The following DOCK4 variants were observed in gnomAD, a reference collection of about 807,000 sequenced individuals.
The protein encoded by DOCK4 is dedicator of cytokinesis protein 4.
In DOCK4, 97 loss-of-function variants were observed where a neutral mutation model predicts 268.1. That is an observed-to-expected ratio of 0.36 (90% CI 0.31 to 0.43). The LOEUF (loss-of-function observed/expected upper bound fraction) is 0.43, where lower values mean the gene tolerates loss of function less well. DOCK4 is among the 20% of genes least tolerant of loss of function. DOCK4 has a pLI of 1.00. For synonymous variants in DOCK4, 954 were observed against 887.2 expected (o/e 1.08, Z -1.34); for missense variants, 2,145 against 2,455.7 (o/e 0.87, Z 2.67).
In DOCK4 at chr7:112,122,586, A is replaced by C. The variant is rs146402361; in HGVS notation, c.37+83516T>G. Among the ~76,000 whole-genome samples, 131 of 152,276 alleles carry C rather than the reference A, an allele frequency of 8.6e-4. 1 individual carries two copies. Among genetic ancestry groups the C allele is most frequent in the African/African-American group, 3.1e-3 (127 of 41,566 alleles). On this transcript the variant is annotated intron_variant, in intron 1 of 52. Transcript: ENST00000428084. Reference sequence around the variant, plus strand: ...ACGCCCAGCCAAGACTGCCTCTTATAAACAGTATTTAGTTGGATTTCTTAA... The same window carrying C: ...ACGCCCAGCCAAGACTGCCTCTTATCAACAGTATTTAGTTGGATTTCTTAA...
chr7:111,884,153 A>G (rs1384393194), intron 16 of DOCK4, among the ~76,000 whole-genome samples: 1 of 152,182 alleles, frequency 6.6e-6, no homozygotes, highest in East Asian at 1.9e-4. Context: ...AATATAGCAT[A>G]TCTTTTATTG....
chr7:111,979,002 T>A (rs1798408332), intron 7 of DOCK4, among the ~76,000 whole-genome samples: 1 of 152,108 alleles, frequency 6.6e-6, no homozygotes, highest in South Asian at 2.1e-4. Flanking sequence ...ATTAAAAAAA[T>A]AGTTCAGGGA....
intron 11 of DOCK4, 85 bp from the exon 12 acceptor site, chr7:111,935,713 A>G: frequency 1.7e-6 from 2 of 1,165,792 alleles, no homozygotes; most frequent in Non-Finnish European, 2.5e-6. Flanking sequence ...CCTTTTCGTT[A>G]TAACCACTAT....
chr7:111,798,245 C>T (rs1054427717), intron 30 of DOCK4, among the ~76,000 whole-genome samples: 1 of 152,222 alleles, frequency 6.6e-6, no homozygotes, highest in South Asian at 2.1e-4. Context: ...GGTTCAGGAC[C>T]AGTCTCACAG....
intron 1 of DOCK4, among the ~76,000 whole-genome samples, chr7:112,092,599 C>T (rs758927690): frequency 2.6e-5 from 4 of 152,152 alleles, no homozygotes; most frequent in Admixed American, 6.5e-5. Flanking sequence ...CAAGTCTCTT[C>T]AAAGCAACAT....
In DOCK4 at chr7:111,792,539, C is replaced by T. The variant is rs556005407; in HGVS notation, c.3167-1934G>A. ...CTAGGGTTACAGGCACGCACCACCA[C>T]GCCCAGCTAATTTTTGTATTTTTAG... On this transcript the variant is annotated intron_variant, in intron 30 of 52. Coordinates refer to ENST00000428084, the MANE Select transcript of DOCK4 (RefSeq NM_001363540.2). 1.1e-4 allele frequency among the ~76,000 whole-genome samples: 17 copies of T among 152,222 alleles called. No homozygotes were observed. The South Asian group carries it at 1.2e-3, about 11-fold the overall frequency.
Position 111,977,164 on chromosome 7 carries a change from T to C in DOCK4, c.669A>G (p.Ser223=). The C allele has an allele frequency of 6.2e-7, 1 of 1,612,844 alleles. No individual in the cohort carries two copies. The highest frequency in any genetic ancestry group is 2.2e-5 in the East Asian group (1 of 44,848). Residue 223 remains serine (S), a synonymous_variant, in exon 8 of 53, where the codon TCA becomes TCG. Coordinates refer to ENST00000428084, the MANE Select transcript of DOCK4 (RefSeq NM_001363540.2). ...NLGEELEVIF[S]LFDSKENRPI... ...GCCGGTTCTCTTTACTGTCAAAGAG[T>C]GAGAAGATGACCTCCAGCTCCTCTC...
intron 1 of DOCK4, among the ~76,000 whole-genome samples, chr7:112,124,893 A>T (rs1006373678): frequency 6.6e-6 from 1 of 152,226 alleles, no homozygotes; most frequent in Non-Finnish European, 1.5e-5. Flanking sequence ...CATAGGCTGT[A>T]TTTGAATCTA....
chr7:111,988,676 C>T (rs1799244733), intron 6 of DOCK4, among the ~76,000 whole-genome samples: 1 of 152,222 alleles, frequency 6.6e-6, no homozygotes, highest in Non-Finnish European at 1.5e-5. Flanking sequence ...AAAAGCAAAT[C>T]CACATGCCAA....
At chr7:111,916,978 A>ATTTT in intron 12 of DOCK4, among the ~76,000 whole-genome samples, 1 of 83,018 alleles carries the variant, frequency 1.2e-5, no homozygotes, top group Non-Finnish European at 2.3e-5. Flanking sequence ...CCTTTCCCCC[A>ATTTT]TGTTTTTTTT....
chr7:111,842,945 A>G (rs1302572658), intron 25 of DOCK4, among the ~76,000 whole-genome samples: 21 of 152,246 alleles, frequency 1.4e-4, no homozygotes, highest in Non-Finnish European at 1.5e-5. Context: ...AAAGCCAGCT[A>G]AAACAGAAGG....
chr7:111,859,830 G>A (rs1805352118), intron 23 of DOCK4, among the ~76,000 whole-genome samples: 1 of 152,102 alleles, frequency 6.6e-6, no homozygotes, highest in Non-Finnish European at 1.5e-5. Context: ...GCCTCCCAAA[G>A]TGCTGGGATT....
At position 111,769,616 on chromosome 7, in the gene DOCK4, C is replaced by T; in HGVS notation, c.3741G>A (p.Arg1247=). The T allele has an allele frequency of 6.2e-7, 1 of 1,613,724 alleles. No individual in the cohort carries two copies. The highest frequency in any genetic ancestry group is 8.5e-7 in the Non-Finnish European group (1 of 1,179,820). The change falls in exon 37 of 53, where the codon AGG becomes AGA. Residue 1247 remains arginine, a synonymous_variant. Transcript: ENST00000428084. ...ELLEWSDRPL[R]EFLTYPMQTE... ...TTTGCATGGGGTAGGTCAGGAACTC[C>T]CTGAGGGGCCGATCAGACCATTCCA...
At chr7:112,017,180 C>T (rs1801882756) in intron 1 of DOCK4, among the ~76,000 whole-genome samples, 1 of 152,136 alleles carries the variant, frequency 6.6e-6, no homozygotes, top group Admixed American at 6.6e-5. Context: ...TACTGATATT[C>T]ACAGAAGCTA....
intron 24 of DOCK4, among the ~76,000 whole-genome samples, chr7:111,846,420 T>C (rs1804110353): frequency 6.6e-6 from 1 of 151,900 alleles, no homozygotes; most frequent in South Asian, 2.1e-4. Context: ...ATTCTTCTCA[T>C]TTTGCAGTGC....
At chr7:112,155,097 G>C (rs1816491779) in intron 1 of DOCK4, among the ~76,000 whole-genome samples, 1 of 152,156 alleles carries the variant, frequency 6.6e-6, no homozygotes, top group African/African-American at 2.4e-5. Flanking sequence ...CAAGGAAATT[G>C]ATAAAACTCA....
intron 30 of DOCK4, among the ~76,000 whole-genome samples, chr7:111,792,566 A>T (rs925430804): frequency 1.3e-5 from 2 of 152,116 alleles, no homozygotes; most frequent in South Asian, 4.1e-4. Flanking sequence ...TATTTTTAGT[A>T]GAGACGGGGT....
chr7:111,768,080 G>A (rs934516068), intron 37 of DOCK4, among the ~76,000 whole-genome samples: 1 of 152,086 alleles, frequency 6.6e-6, no homozygotes, highest in Non-Finnish European at 1.5e-5. Context: ...ACTAAAATGT[G>A]CATTTCATAT....
At chr7:111,813,018 G>A (rs1049863093) in intron 27 of DOCK4, among the ~76,000 whole-genome samples, 5 of 152,176 alleles carry the variant, frequency 3.3e-5, no homozygotes, top group Admixed American at 6.5e-5. Context: ...ATAACCAGGA[G>A]ATAAATATTT....
Sources: gnomAD v4.1 joint callset for allele counts (sites outside exome capture counted in the v4.1 genomes callset) on GRCh38, gnomAD v4.1.1 for gene constraint, MANE v1.5 for transcripts, NCBI Gene and HGNC (gene_info 2026-07-23, HGNC 2026-07-21) for gene names.